Variants in EFNA5 observed in about 807,000 individuals in gnomAD.
EFNA5 encodes the protein ephrin A5, also known as ephrin-A5.
A neutral mutation model predicts 22.9 loss-of-function variants in EFNA5; 5 were observed. That is an observed-to-expected ratio of 0.22 (90% CI 0.11 to 0.46). The LOEUF (loss-of-function observed/expected upper bound fraction) is 0.46. Ranked by LOEUF, EFNA5 falls within the 20% of genes least tolerant of loss-of-function variation. EFNA5 has a pLI of 0.99. For synonymous variants in EFNA5, 113 were observed against 112.2 expected (o/e 1.01, Z -0.04); for missense variants, 237 against 293.3 (o/e 0.81, Z 1.40).
At position 107,594,949 on chromosome 5, in the gene EFNA5, CT is replaced by C. The variant is rs1016251231; in HGVS notation, c.125+75539del. 5.9e-5 allele frequency among the ~76,000 whole-genome samples: 9 copies of C among 152,000 alleles called. No homozygotes were observed. In the South Asian group the frequency reaches 8.3e-4, roughly 14 times the overall value. ...AAACAGCGGCTAAGTGGGTGTGCCA[CT>C]TTTTTTTATTACTGTATCTCATATC... On this transcript the variant is annotated intron_variant, in intron 1 of 4. Transcript: ENST00000333274.
intron 1 of EFNA5, among the ~76,000 whole-genome samples, chr5:107,594,256 A>G (rs1749430683): frequency 6.6e-6 from 1 of 152,208 alleles, no homozygotes. Flanking sequence ...ATGTATGTAG[A>G]CATCCATTCA....
rs80201272 is a variant in EFNA5, at chr5:107,589,842, G to A, written c.125+80647C>T. 7.9e-3 allele frequency among the ~76,000 whole-genome samples: 1,202 copies of A among 152,298 alleles called. 11 individuals carry two copies. The highest frequency in any genetic ancestry group is 0.065 in the Middle Eastern group (19 of 294). On this transcript the variant is annotated intron_variant, in intron 1 of 4. Coordinates refer to ENST00000333274, the MANE Select transcript of EFNA5 (RefSeq NM_001962.3). ...GCATCTGTTCCACTGAGTTTTACCC[G>A]TGTGCTAAGAAAACTTAAATGACTT...
intron 1 of EFNA5, among the ~76,000 whole-genome samples, chr5:107,533,108 G>A (rs894460280): frequency 6.6e-6 from 1 of 152,088 alleles, no homozygotes; most frequent in Non-Finnish European, 1.5e-5. Flanking sequence ...GACCTTTGGG[G>A]ACTCATCTCT....
At chr5:107,402,969 G>C (rs1748123340) in intron 2 of EFNA5, among the ~76,000 whole-genome samples, 2 of 152,156 alleles carry the variant, frequency 1.3e-5, no homozygotes, top group South Asian at 2.1e-4. Flanking sequence ...CTCTTCTTCT[G>C]TCTGTTCAAT....
At chr5:107,642,824 A>C (rs1343630599) in intron 1 of EFNA5, among the ~76,000 whole-genome samples, 1 of 151,964 alleles carries the variant, frequency 6.6e-6, no homozygotes, top group Non-Finnish European at 1.5e-5. Context: ...CTTTAAACAG[A>C]GTTCCATGGT....
At chr5:107,494,675 C>T (rs546952586) in intron 1 of EFNA5, among the ~76,000 whole-genome samples, 10 of 152,224 alleles carry the variant, frequency 6.6e-5, no homozygotes, top group Non-Finnish European at 1.0e-4. Context: ...CTGGTGGGGA[C>T]GTGGAGAACC....
intron 1 of EFNA5, among the ~76,000 whole-genome samples, chr5:107,482,927 T>C (rs1750526856): frequency 6.9e-6 from 1 of 144,020 alleles, no homozygotes; most frequent in Admixed American, 7.0e-5. Context: ...CACACACACA[T>C]ACATATGACA....
At chr5:107,544,795 C>T (rs556706693) in intron 1 of EFNA5, among the ~76,000 whole-genome samples, 1 of 152,100 alleles carries the variant, frequency 6.6e-6, no homozygotes, top group South Asian at 2.1e-4. Flanking sequence ...CCAATCACAA[C>T]CCAAATATTT....
rs535385825 is a variant in EFNA5, at chr5:107,594,436, G to A, written c.125+76053C>T. Among the ~76,000 whole-genome samples, 3 of 152,304 alleles carry A rather than the reference G, an allele frequency of 2.0e-5. No individual in the cohort carries two copies. In the South Asian group the frequency reaches 6.2e-4, roughly 32 times the overall value. On this transcript the variant is annotated intron_variant, in intron 1 of 4. Transcript: ENST00000333274. ...AGGGGGCAGGAGGAGAGGAAAAACT[G>A]AGCCAGGTCACTGCAGGGTGTGGCA...
intron 1 of EFNA5, among the ~76,000 whole-genome samples, chr5:107,663,694 G>T (rs940749830): frequency 6.6e-6 from 1 of 152,048 alleles, no homozygotes; most frequent in Non-Finnish European, 1.5e-5. Flanking sequence ...ACTGTTAGAC[G>T]ATCTCTCCTT....
intron 1 of EFNA5, among the ~76,000 whole-genome samples, chr5:107,455,671 C>G (rs1199985416): frequency 6.6e-6 from 1 of 152,206 alleles, no homozygotes; most frequent in East Asian, 1.9e-4. Context: ...AAAAATTCCT[C>G]ATTCTTGTCT....
chr5:107,478,135 C>G (rs899884530), intron 1 of EFNA5, among the ~76,000 whole-genome samples: 2 of 152,190 alleles, frequency 1.3e-5, no homozygotes, highest in Non-Finnish European at 2.9e-5. Flanking sequence ...CATTACTCAG[C>G]TGTTTGTGTT....
rs143642562 is a variant in EFNA5 at position 107,467,572 on chromosome 5, A to G, written c.126-40063T>C. Among the ~76,000 whole-genome samples the G allele has an allele frequency of 3.8e-3, 576 of 152,366 alleles. 3 individuals carry two copies. The highest frequency in any genetic ancestry group is 0.013 in the African/African-American group (560 of 41,588). The stretch of plus-strand genomic sequence containing the variant: ...AGAAAAATATTAAGCAAATTCTGAC[A>G]TAGGTGATATGCGCACATGGCAAAA... On this transcript the variant is annotated intron_variant, in intron 1 of 4. Transcript: ENST00000333274.
At chr5:107,521,278 T>C (rs1747590650) in intron 1 of EFNA5, among the ~76,000 whole-genome samples, 1 of 151,002 alleles carries the variant, frequency 6.6e-6, no homozygotes, top group Non-Finnish European at 1.5e-5. Context: ...TGTATGTATG[T>C]ATTTACTTAT....
intron 2 of EFNA5, among the ~76,000 whole-genome samples, chr5:107,416,417 A>G (rs1446739994): frequency 6.6e-6 from 1 of 152,200 alleles, no homozygotes; most frequent in Admixed American, 6.5e-5. Context: ...TGACCCCAGT[A>G]CTAACTACAT....
Position 107,412,861 on chromosome 5 carries a change from C to T in EFNA5, c.418+14356G>A, listed in dbSNP as rs147590238. Among the ~76,000 whole-genome samples the T allele has an allele frequency of 2.4e-3, 366 of 152,182 alleles. 2 individuals carry two copies. The highest frequency in any genetic ancestry group is 0.017 in the Middle Eastern group (5 of 294). On this transcript the variant is annotated intron_variant, in intron 2 of 4. Coordinates refer to ENST00000333274, the MANE Select transcript of EFNA5 (RefSeq NM_001962.3). The stretch of plus-strand genomic sequence containing the variant: ...TTCTGCAAAGATGGTAAGAAAAATG[C>T]CCTTGTGAGTAAATGACAGTGAGCT...
chr5:107,539,895 G>A (rs1748011034), intron 1 of EFNA5, among the ~76,000 whole-genome samples: 1 of 152,204 alleles, frequency 6.6e-6, no homozygotes, highest in African/African-American at 2.4e-5. Flanking sequence ...GCCACAGCTA[G>A]AGGTCAGAAC....
intron 1 of EFNA5, among the ~76,000 whole-genome samples, chr5:107,617,980 TAGCA>T (rs1238381756): frequency 6.6e-6 from 1 of 151,442 alleles, no homozygotes; most frequent in Non-Finnish European, 1.5e-5. Context: ...CTGGACAAAA[TAGCA>T]AGACGCTGTC....
chr5:107,618,742 A>G (rs899157869), intron 1 of EFNA5, among the ~76,000 whole-genome samples: 2 of 152,232 alleles, frequency 1.3e-5, no homozygotes, highest in Non-Finnish European at 1.5e-5. Context: ...AACATGTTAT[A>G]AAATGCCTGA....
Sources: gnomAD v4.1 joint callset for allele counts (sites outside exome capture counted in the v4.1 genomes callset) on GRCh38, gnomAD v4.1.1 for gene constraint, MANE v1.5 for transcripts, NCBI Gene and HGNC (gene_info 2026-07-23, HGNC 2026-07-21) for gene names.